Variants in STAB2 observed in about 807,000 individuals in gnomAD.
STAB2 encodes stabilin-2.
STAB2 carries 288 observed loss-of-function variants against 338.1 expected under a neutral mutation model. The observed-to-expected ratio is 0.85, with a 90% confidence interval of 0.77 to 0.94. The LOEUF (loss-of-function observed/expected upper bound fraction) is 0.94, where lower values mean the gene tolerates loss of function less well. Among genes scored for constraint, STAB2 ranks in the 40% least tolerant of loss-of-function variants. The pLI, the probability that STAB2 is intolerant of heterozygous loss-of-function variation, is 0.00. For missense variants in STAB2, 3,141 were observed against 3,210.1 expected (o/e 0.98, Z 0.52); for synonymous variants, 1,202 against 1,193.3 (o/e 1.01, Z -0.15).
Position 103,674,058 on chromosome 12 carries a change from C to A in STAB2, c.2523C>A (p.Ala841=). 2 of 1,613,290 alleles carry A rather than the reference C, an allele frequency of 1.2e-6. No homozygotes were observed. Among genetic ancestry groups the A allele is most frequent in the Non-Finnish European group, 1.7e-6 (2 of 1,179,424 alleles). ...ACGTGCAGTTCTGTCACATCCACGC[C>A]ACCTGTGAATACAGCAATGGGACAG... ...GPYVQFCHIH[A]TCEYSNGTAS... The change falls in exon 23 of 69, where the codon GCC becomes GCA. Residue 841 remains alanine (A), a synonymous_variant. Transcript: ENST00000388887.
rs947243589 is a variant in STAB2, at chr12:103,742,386, G to T, written c.5882-19G>T. On this transcript the variant is annotated intron_variant, in intron 55 of 68. Transcript: ENST00000388887. Reference sequence around the variant, plus strand: ...GGCTTTGGGAGACTGTTGAGTCACTGCTGTTTCATCTCTTCCAGCCTGCCC... The same window carrying T: ...GGCTTTGGGAGACTGTTGAGTCACTTCTGTTTCATCTCTTCCAGCCTGCCC... The T allele has an allele frequency of 9.9e-6, 16 of 1,613,044 alleles. No individual in the cohort carries two copies. Among genetic ancestry groups the T allele is most frequent in the Middle Eastern group, 3.3e-4 (2 of 6,074 alleles).
At chr12:103,680,547 G>A (rs1170404241) in intron 25 of STAB2, among the ~76,000 whole-genome samples, 3 of 152,304 alleles carry the variant, frequency 2.0e-5, no homozygotes, top group South Asian at 2.1e-4. Context: ...ACATTATCTG[G>A]TAACTTCCTC....
chr12:103,615,173 G>A (rs564172647), intron 3 of STAB2, among the ~76,000 whole-genome samples: 1 of 152,328 alleles, frequency 6.6e-6, no homozygotes, highest in East Asian at 1.9e-4. Context: ...TTTGCACAAA[G>A]GCTGTCTATG....
chr12:103,706,961 G>T lies in STAB2; in HGVS notation c.4166G>T (p.Gly1389Val), dbSNP rs775922508. 3 of 1,614,180 alleles carry T rather than the reference G, an allele frequency of 1.9e-6. No homozygotes were observed. Among genetic ancestry groups the T allele is most frequent in the Non-Finnish European group, 2.5e-6 (3 of 1,180,044 alleles). ...SGTACETCTE[G>V]KYGIHCDQAC... ...ACAGCCTGCGAGACCTGCACCGAGGGCAAGTACGGCATCCACTGTGACCAA... is the reference window on the plus strand; with the variant it reads ...ACAGCCTGCGAGACCTGCACCGAGGTCAAGTACGGCATCCACTGTGACCAA... Residue 1389 changes from glycine (G) to valine (V), a missense_variant, in exon 38 of 69, where the codon GGC becomes GTC. Transcript: ENST00000388887.
At chr12:103,645,488 T>C (rs1436920678) in intron 9 of STAB2, among the ~76,000 whole-genome samples, 2 of 152,178 alleles carry the variant, frequency 1.3e-5, no homozygotes, top group Non-Finnish European at 2.9e-5. Flanking sequence ...AGAAACATAC[T>C]CAGTGGTTTG....
intron 41 of STAB2, among the ~76,000 whole-genome samples, chr12:103,712,657 A>C (rs528340497): frequency 2.6e-5 from 4 of 152,302 alleles, no homozygotes; most frequent in African/African-American, 9.6e-5. Context: ...GCTTTAAAAA[A>C]CAGTGATTTG....
chr12:103,745,305 G>A (rs574834364), intron 57 of STAB2, 28 bp downstream of exon 57: 2 of 1,600,806 alleles, frequency 1.2e-6, no homozygotes, highest in Middle Eastern at 3.6e-4. Flanking sequence ...TCAGCTGCTG[G>A]CAGCCCAGGG....
intron 36 of STAB2, 104 bp from the exon 37 acceptor site, chr12:103,705,528 A>C (rs1879268543): frequency 1.1e-6 from 1 of 877,702 alleles, no homozygotes; most frequent in Non-Finnish European, 1.8e-6. Flanking sequence ...TTCCCACAAC[A>C]CTTTAGTCAG....
Position 103,745,246 on chromosome 12 carries a change from G to C in STAB2, c.6105G>C (p.Gly2035=). 2 of 1,613,914 alleles carry C rather than the reference G, an allele frequency of 1.2e-6. No individual in the cohort carries two copies. Among genetic ancestry groups the C allele is most frequent in the Non-Finnish European group, 1.7e-6 (2 of 1,179,968 alleles). ...TGSGQCLCET[G]WTGPSCDTQA... is the part of the protein sequence containing the mutation. ...CCGGGCAGTGCCTCTGTGAAACGGG[G>C]TGGACAGGCCCCTCGTGTGACACTC... The change falls in exon 57 of 69, where the codon GGG becomes GGC. Residue 2035 remains glycine, a synonymous_variant. Coordinates refer to ENST00000388887, the MANE Select transcript of STAB2 (RefSeq NM_017564.10).
chr12:103,637,183 A>G lies in STAB2; in HGVS notation c.656A>G (p.Lys219Arg), dbSNP rs1288420604. 1 of 1,613,262 alleles carries G rather than the reference A, an allele frequency of 6.2e-7. No homozygotes were observed. The highest frequency in any genetic ancestry group is 1.1e-5 in the South Asian group (1 of 90,868). The change falls in exon 7 of 69, where the codon AAA (lysine) becomes AGA (arginine). Residue 219 changes from lysine (K) to arginine (R), a missense_variant. Lys to Arg is a conservative substitution (Grantham distance 26). Transcript: ENST00000388887. ...TCGCCTTCCACTGAAGATGAAAACA[A>G]ACTGGAATGCAAATGCCTTCCCAAT... ...RCSPSTEDEN[K>R]LECKCLPNYR... is the part of the protein sequence containing the mutation.
intron 60 of STAB2, among the ~76,000 whole-genome samples, chr12:103,751,699 T>C (rs1883667861): frequency 6.6e-6 from 1 of 152,192 alleles, no homozygotes; most frequent in Admixed American, 6.5e-5. Context: ...GCTTTTTCTT[T>C]AGGACACAGT....
chr12:103,764,511 G>A (rs73192021), intron 68 of STAB2, among the ~76,000 whole-genome samples: 8,750 of 152,208 alleles, frequency 0.057, 316 homozygotes, highest in Non-Finnish European at 0.058. Flanking sequence ...CATAACACAT[G>A]TGGAAGTACA....
chr12:103,620,645 A>G, intron 4 of STAB2, 92 bp downstream of exon 4: 1 of 1,047,044 alleles, frequency 9.6e-7, no homozygotes. Flanking sequence ...ACACACACAC[A>G]CACACACACG....
At chr12:103,596,805 A>G (rs1418466483) in intron 3 of STAB2, among the ~76,000 whole-genome samples, 4 of 152,124 alleles carry the variant, frequency 2.6e-5, no homozygotes, top group Admixed American at 6.5e-5. Flanking sequence ...AAAGAGTCCA[A>G]AAAGGTAGCT....
chr12:103,658,915 T>C (rs1874392432), intron 15 of STAB2, among the ~76,000 whole-genome samples: 1 of 152,228 alleles, frequency 6.6e-6, no homozygotes, highest in African/African-American at 2.4e-5. Context: ...CCACTTTGTC[T>C]GACTCCTTCA....
chr12:103,630,415 A>G (rs1565972248), intron 5 of STAB2, among the ~76,000 whole-genome samples: 1 of 152,240 alleles, frequency 6.6e-6, no homozygotes, highest in Non-Finnish European at 1.5e-5. Context: ...AGCTAACATT[A>G]AGTTGGCTTA....
intron 58 of STAB2, 68 bp downstream of exon 58, chr12:103,746,772 T>C: frequency 4.0e-6 from 6 of 1,497,834 alleles, no homozygotes; most frequent in African/African-American, 1.4e-5. Flanking sequence ...TTGCTCACAG[T>C]GCCTGGGCTT....
At chr12:103,730,292 T>C (rs1432593300) in intron 49 of STAB2, 36 bp downstream of exon 49, 1 of 1,606,708 alleles carries the variant, frequency 6.2e-7, no homozygotes, top group East Asian at 2.2e-5. Flanking sequence ...CAGCCTGGAG[T>C]GACTCAATAC....
chr12:103,609,403 A>G (rs1360018746), intron 3 of STAB2, among the ~76,000 whole-genome samples: 2 of 152,182 alleles, frequency 1.3e-5, no homozygotes, highest in Non-Finnish European at 2.9e-5. Context: ...GGTCCTTCAC[A>G]TCCCTTGTAA....
Sources: allele counts gnomAD v4.1 joint callset (sites outside exome capture counted in the v4.1 genomes callset), GRCh38; gene constraint gnomAD v4.1.1; transcripts MANE v1.5; gene names NCBI Gene and HGNC (gene_info 2026-07-23, HGNC 2026-07-21).